FBXL5: variants seen among roughly 807,000 people sequenced by gnomAD.
FBXL5 encodes F-box/LRR-repeat protein 5.
Under a neutral mutation model 78.3 loss-of-function variants are expected in FBXL5, and 26 were observed. That is an observed-to-expected ratio of 0.33 (90% CI 0.24 to 0.46). The LOEUF is 0.46. Among genes scored for constraint, FBXL5 ranks in the 20% least tolerant of loss-of-function variants. The pLI is 1.00. For synonymous variants in FBXL5, 295 were observed against 282.5 expected (o/e 1.04, Z -0.45); for missense variants, 710 against 829.2 (o/e 0.86, Z 1.77).
chr4:15,634,667 A>T (rs10009089), intron 5 of FBXL5, among the ~76,000 whole-genome samples: 36,355 of 151,332 alleles, frequency 0.24, 4,572 homozygotes, highest in African/African-American at 0.28. Flanking sequence ...GTGCCCGGCC[A>T]TTTTTTTTAT....
At chr4:15,635,886 T>G (rs1714205219) in intron 5 of FBXL5, among the ~76,000 whole-genome samples, 1 of 152,110 alleles carries the variant, frequency 6.6e-6, no homozygotes, top group Admixed American at 6.5e-5. Context: ...AAAATTTTCT[T>G]TAACTGTTCA....
chr4:15,646,854 ATTAT>A (rs996556536), intron 1 of FBXL5, among the ~76,000 whole-genome samples: 4 of 151,918 alleles, frequency 2.6e-5, no homozygotes, highest in African/African-American at 9.7e-5. Context: ...GCTTCTAGAT[ATTAT>A]TTTTTTAATG....
upstream of FBXL5, among the ~76,000 whole-genome samples, chr4:15,662,889 T>C (rs932262321): frequency 3.3e-5 from 5 of 152,210 alleles, no homozygotes; most frequent in Non-Finnish European, 7.3e-5. Context: ...GTGTGCACAA[T>C]TGTTACTACC....
chr4:15,667,635 T>C (rs1489702476), intron 1 of FBXL5, among the ~76,000 whole-genome samples: 1 of 152,200 alleles, frequency 6.6e-6, no homozygotes, highest in Non-Finnish European at 1.5e-5. Context: ...GGACTTTGCC[T>C]GCTGCCACAA....
At chr4:15,618,073 G>A (rs1003376370) in intron 9 of FBXL5, among the ~76,000 whole-genome samples, 33 of 152,110 alleles carry the variant, frequency 2.2e-4, no homozygotes, top group East Asian at 1.9e-4. Context: ...TTTTTTAAAC[G>A]ACAAATACAA....
intron 10 of FBXL5, among the ~76,000 whole-genome samples, chr4:15,606,610 G>A (rs1721903553): frequency 2.0e-5 from 3 of 152,174 alleles, no homozygotes; most frequent in African/African-American, 7.2e-5. Context: ...GCAGGCAAAT[G>A]TGGAAAAGAT....
At position 15,670,914 on chromosome 4, in the gene FBXL5, C is replaced by CTT. The variant is rs57312794; in HGVS notation, c.-284+10467_-284+10468dup. ...CAAAGACATTTTCTCTGTGCGTAGA[C>CTT]TTTTTTTTTTTTTTTTTTTTTTTTT... On this transcript the variant is annotated intron_variant, in intron 1 of 4. Transcript: ENST00000507899. 1.0e-3 allele frequency among the ~76,000 whole-genome samples: 56 copies of CTT among 54,178 alleles called. 8 individuals carry two copies. Among genetic ancestry groups the CTT allele is most frequent in the African/African-American group, 4.3e-3 (53 of 12,352 alleles). 35.5% of individuals were successfully genotyped at this position (54,178 alleles called of 152,430 possible). A position where few individuals can be genotyped will look rare whatever the true frequency, so the allele number is the denominator to read the frequency against.
rs1716742300 is a variant in FBXL5 at position 15,655,253 on chromosome 4, G to A, written c.35C>T (p.Thr12Ile). The change falls in exon 1 of 11, where the codon ACC (threonine) becomes ATC (isoleucine). Residue 12 changes from threonine to isoleucine, a missense_variant. Around this residue, in one of 4 missense-constraint regions of FBXL5, gnomAD observed 132 missense variants for 156.9 expected, o/e 0.84. Coordinates refer to ENST00000341285, the MANE Select transcript of FBXL5 (RefSeq NM_012161.4). ...CTGCTTCATCCGCCAGTGTGGGGCG[G>A]TGAAGACGTCCACTTCTTCAGGAAA... ...APFPEEVDVF[T>I]APHWRMKQLV... 2.1e-6 allele frequency: 3 copies of A among 1,443,844 alleles called. No homozygotes were observed. Among genetic ancestry groups the A allele is most frequent in the African/African-American group, 2.9e-5 (2 of 68,686 alleles). The allele number at this position is 1,443,844 out of a possible 1,614,324, so 89.4% of individuals were successfully genotyped here.
intron 10 of FBXL5, among the ~76,000 whole-genome samples, chr4:15,610,366 C>T (rs1722166309): frequency 6.6e-6 from 1 of 152,036 alleles, no homozygotes; most frequent in South Asian, 2.1e-4. Flanking sequence ...CTTTCCATTC[C>T]CCCAAATCAT....
chr4:15,613,241 G>A (rs979244534), intron 9 of FBXL5, among the ~76,000 whole-genome samples: 6 of 152,126 alleles, frequency 3.9e-5, no homozygotes, highest in Admixed American at 3.3e-4. Context: ...TTTTTGGGAT[G>A]ATGAAAATGT....
intron 4 of FBXL5, 46 bp from the exon 5 acceptor site, chr4:15,636,722 A>C (rs764949740): frequency 1.1e-5 from 15 of 1,335,602 alleles, no homozygotes; most frequent in Middle Eastern, 2.1e-4. Flanking sequence ...TAAAGAGCAT[A>C]TGCAATAAGA....
rs374614879 is a variant in FBXL5 at position 15,604,879 on chromosome 4, T to C, written c.*844A>G. 6.6e-6 allele frequency: 1 copy of C among 152,246 alleles called. No homozygotes were observed. The highest frequency in any genetic ancestry group is 1.5e-5 in the Non-Finnish European group (1 of 68,044). 9.4% of individuals were successfully genotyped at this position (152,246 alleles called of 1,614,324 possible). A position where few individuals can be genotyped will look rare whatever the true frequency, so the allele number is the denominator to read the frequency against. On this transcript the variant is annotated 3_prime_UTR_variant, in exon 11 of 11. Transcript: ENST00000341285. ...GAAAATTCAGCTCAATAAAATTCAG[T>C]ATCTGTCTAAAACTATTTGTCAGGG...
chr4:15,676,056 T>C (rs1306728915), intron 1 of FBXL5, among the ~76,000 whole-genome samples: 3 of 152,204 alleles, frequency 2.0e-5, no homozygotes, highest in Non-Finnish European at 4.4e-5. Flanking sequence ...GGCAAATACT[T>C]AACTTTCTGG....
chr4:15,636,460 T>C (rs1714276471), intron 5 of FBXL5, 34 bp downstream of exon 5: 1 of 1,453,336 alleles, frequency 6.9e-7, no homozygotes, highest in South Asian at 1.4e-5. Context: ...TCTAGAAAAA[T>C]ACATGAAAAT....
chr4:15,614,500 T>C (rs558648545), intron 9 of FBXL5, among the ~76,000 whole-genome samples: 1 of 152,178 alleles, frequency 6.6e-6, no homozygotes, highest in African/African-American at 2.4e-5. Context: ...AGTATTCAGG[T>C]TTCTCAGGCA....
upstream of FBXL5, among the ~76,000 whole-genome samples, chr4:15,655,789 C>T (rs1228674232): frequency 6.6e-6 from 1 of 152,194 alleles, no homozygotes; most frequent in African/African-American, 2.4e-5. Flanking sequence ...TGGCCAGGAC[C>T]TCCGGAGCTG....
At chr4:15,623,288 T>C (rs1712670145) in intron 9 of FBXL5, among the ~76,000 whole-genome samples, 1 of 151,996 alleles carries the variant, frequency 6.6e-6, no homozygotes, top group Non-Finnish European at 1.5e-5. Flanking sequence ...GCCCTTGAAA[T>C]CAATTTTTAA....
rs778300017 is a variant in FBXL5 at position 15,625,242 on chromosome 4, G to T, written c.1850+10C>A. ...GTCTATTTCTTAATATTCTGGAACT[G>T]ATAACTCACCTGAGACCATGGTCTG... On this transcript the variant is annotated intron_variant, in intron 9 of 10. Transcript: ENST00000341285. 3 of 1,574,404 alleles carry T rather than the reference G, an allele frequency of 1.9e-6. No individual in the cohort carries two copies. The South Asian group carries it at 3.5e-5, about 18-fold the overall frequency.
intron 1 of FBXL5, among the ~76,000 whole-genome samples, chr4:15,645,366 C>T (rs1277957571): frequency 4.6e-5 from 7 of 152,092 alleles, no homozygotes; most frequent in Admixed American, 3.9e-4. Context: ...AAGTCACATT[C>T]TCTAGGATGG....
Sources: allele counts gnomAD v4.1 joint callset (sites outside exome capture counted in the v4.1 genomes callset), GRCh38; gene constraint gnomAD v4.1.1; regional missense constraint gnomAD v4.1.1; transcripts MANE v1.5; gene names NCBI Gene and HGNC (gene_info 2026-07-23, HGNC 2026-07-21).